Variants in SATL1 observed in about 807,000 individuals in gnomAD.
SATL1 encodes the protein spermidine/spermine N1-acetyl transferase like 1, also known as spermidine/spermine N(1)-acetyltransferase-like protein 1.
Under a neutral mutation model 51.8 loss-of-function variants are expected in SATL1, and 47 were observed. The ratio of observed to expected loss-of-function variants is 0.91; its 90% CI spans 0.72 to 1.16. SATL1 has a LOEUF of 1.16. SATL1 is among the 50% of genes most tolerant of loss of function. The pLI, the probability that SATL1 is intolerant of heterozygous loss-of-function variation, is 0.00. For missense variants in SATL1, 520 were observed against 526.4 expected, an observed-to-expected ratio of 0.99 and a Z score of 0.12; for synonymous variants, 176 against 182.4, an observed-to-expected ratio of 0.97 and a Z score of 0.28.
At chrX:85,193,714 C>T (rs747763915) in intron 2 of SATL1, among the ~76,000 whole-genome samples, 3 of 111,736 alleles carry the variant, frequency 2.7e-5, no homozygotes, top group South Asian at 7.5e-4. Context: ...TTGTTCCCTT[C>T]TTTGTGTTCA....
chrX:85,218,104 G>A (rs146891685), intron 2 of SATL1, among the ~76,000 whole-genome samples: 127 of 109,065 alleles, frequency 1.2e-3, no homozygotes, highest in African/African-American at 4.1e-3. Flanking sequence ...ACAGACACTG[G>A]GGATCACTTT....
At chrX:85,161,103 T>C (rs1431528052) in intron 2 of SATL1, among the ~76,000 whole-genome samples, 2 of 111,718 alleles carry the variant, frequency 1.8e-5, no homozygotes, top group Admixed American at 9.5e-5. Flanking sequence ...TCTTTTCAGA[T>C]AAGCAAATAC....
intron 2 of SATL1, among the ~76,000 whole-genome samples, chrX:85,163,726 T>C (rs1042012068): frequency 2.7e-5 from 3 of 111,754 alleles, no homozygotes; most frequent in Non-Finnish European, 3.8e-5. Context: ...AAAGAATGCA[T>C]ATTCTGCAGT....
At chrX:85,236,161 C>T (rs1250939322) in intron 1 of SATL1, among the ~76,000 whole-genome samples, 1 of 111,288 alleles carries the variant, frequency 9.0e-6, no homozygotes, top group African/African-American at 3.2e-5. Flanking sequence ...GCTGAACAAA[C>T]CAATAACAAG....
At chrX:85,114,430 C>T (rs530893019) in intron 2 of SATL1, among the ~76,000 whole-genome samples, 28 of 111,403 alleles carry the variant, frequency 2.5e-4, no homozygotes, top group African/African-American at 7.5e-4. Context: ...GTTCTGAAAG[C>T]GTTTTCCTCT....
chrX:85,149,476 C>G (rs781228721), intron 2 of SATL1, among the ~76,000 whole-genome samples: 3 of 111,777 alleles, frequency 2.7e-5, no homozygotes, highest in Non-Finnish European at 5.6e-5. Flanking sequence ...TATTATACAT[C>G]TACAGAACTC....
At chrX:85,205,172 T>C (rs759355881) in intron 2 of SATL1, among the ~76,000 whole-genome samples, 4 of 112,052 alleles carry the variant, frequency 3.6e-5, no homozygotes, top group Admixed American at 9.5e-5. Flanking sequence ...ACAGACTCTA[T>C]AGGAGAAGGA....
At chrX:85,225,813 A>C (rs942029900) in intron 1 of SATL1, among the ~76,000 whole-genome samples, 7 of 111,621 alleles carry the variant, frequency 6.3e-5, no homozygotes, top group African/African-American at 2.3e-4. Flanking sequence ...GATACACAGG[A>C]ATCAAAAAGG....
intron 4 of SATL1, among the ~76,000 whole-genome samples, chrX:85,099,349 C>T (rs145266264): frequency 0.018 from 1,988 of 111,599 alleles, 46 homozygotes; most frequent in African/African-American, 0.061. Flanking sequence ...TAATACCAGT[C>T]GTTCTCTAAC....
intron 1 of SATL1, among the ~76,000 whole-genome samples, chrX:85,227,407 T>C (rs994382821): frequency 1.8e-5 from 2 of 112,323 alleles, no homozygotes; most frequent in African/African-American, 6.5e-5. Context: ...ATATTCCTGC[T>C]AATTCCAGAA....
chrX:85,221,310 T>A (rs776400233), intron 2 of SATL1, among the ~76,000 whole-genome samples: 1 of 111,872 alleles, frequency 8.9e-6, no homozygotes, highest in Non-Finnish European at 1.9e-5. Context: ...AAGCACACAA[T>A]ACTTTACATG....
At chrX:85,120,752 T>C (rs185980325) in intron 2 of SATL1, among the ~76,000 whole-genome samples, 1 of 112,036 alleles carries the variant, frequency 8.9e-6, no homozygotes, top group Admixed American at 9.5e-5. Flanking sequence ...TTGAAGACAT[T>C]TCTTTTCATC....
At chrX:85,130,793 A>G (rs1179652607) in intron 2 of SATL1, among the ~76,000 whole-genome samples, 2 of 111,432 alleles carry the variant, frequency 1.8e-5, no homozygotes, top group African/African-American at 6.5e-5. Context: ...TAGTACTGTA[A>G]ATTTCCCTCT....
intron 2 of SATL1, among the ~76,000 whole-genome samples, chrX:85,177,370 G>A (rs73234616): frequency 0.11 from 12,120 of 111,002 alleles, 569 homozygotes; most frequent in South Asian, 0.18. Context: ...CTTTTTTGTA[G>A]GTCAATTTAT....
intron 2 of SATL1, among the ~76,000 whole-genome samples, chrX:85,180,364 T>A (rs1224510798): frequency 1.8e-5 from 2 of 111,160 alleles, no homozygotes; most frequent in African/African-American, 6.5e-5. Flanking sequence ...TCATAGAGTG[T>A]ACTTACACAA....
intron 2 of SATL1, among the ~76,000 whole-genome samples, chrX:85,148,847 G>C (rs926331989): frequency 6.4e-4 from 71 of 111,440 alleles, no homozygotes; most frequent in Non-Finnish European, 1.3e-3. Context: ...ACTGGTACCA[G>C]CCACTGCAAA....
At chrX:85,159,296 G>A (rs1200088778) in intron 2 of SATL1, among the ~76,000 whole-genome samples, 2 of 111,469 alleles carry the variant, frequency 1.8e-5, no homozygotes, top group African/African-American at 3.3e-5. Flanking sequence ...ATACAACAGG[G>A]GTCCCCACCC....
At chrX:85,198,696 T>C (rs1927627237) in intron 2 of SATL1, among the ~76,000 whole-genome samples, 1 of 111,338 alleles carries the variant, frequency 9.0e-6, no homozygotes. Context: ...AATCACATCA[T>C]GTAAAAATGG....
intron 2 of SATL1, among the ~76,000 whole-genome samples, chrX:85,203,791 C>G (rs1236285170): frequency 3.6e-5 from 4 of 112,574 alleles, no homozygotes; most frequent in Admixed American, 2.8e-4. Context: ...GGAGCTCCTT[C>G]TTAGTGAGGT....
Sources: gnomAD v4.1 joint callset for allele counts (sites outside exome capture counted in the v4.1 genomes callset) on GRCh38, gnomAD v4.1.1 for gene constraint, MANE v1.5 for transcripts, NCBI Gene and HGNC (gene_info 2026-07-23, HGNC 2026-07-21) for gene names.